FOXP2: variants seen among roughly 807,000 people sequenced by gnomAD.
FOXP2 encodes the protein forkhead box P2.
Under a neutral mutation model 115.8 loss-of-function variants are expected in FOXP2, and 12 were observed. That is an observed-to-expected ratio of 0.10 (90% CI 0.07 to 0.17). FOXP2 has a LOEUF of 0.17. Ranked by LOEUF, FOXP2 falls within the 10% of genes least tolerant of loss-of-function variation. The pLI, the probability that FOXP2 is intolerant of heterozygous loss-of-function variation, is 1.00. For synonymous variants in FOXP2, 328 were observed against 297.7 expected, an observed-to-expected ratio of 1.10 and a Z score of -1.05; for missense variants, 629 against 843.5, an observed-to-expected ratio of 0.75 and a Z score of 3.15.
intron 2 of FOXP2, among the ~76,000 whole-genome samples, chr7:114,462,538 A>C (rs1207033208): frequency 3.3e-5 from 5 of 151,376 alleles, no homozygotes; most frequent in African/African-American, 4.8e-5. Context: ...CGCCCTGCTA[A>C]TTTTTGTATT....
intron 2 of FOXP2, among the ~76,000 whole-genome samples, chr7:114,367,042 T>A (rs188686707): frequency 6.6e-6 from 1 of 152,260 alleles, no homozygotes; most frequent in Admixed American, 6.5e-5. Context: ...ATGTGCATTG[T>A]GCAGAGGCTA....
chr7:114,123,296 G>A (rs1393865654), intron 1 of FOXP2, among the ~76,000 whole-genome samples: 4 of 149,396 alleles, frequency 2.7e-5, no homozygotes, highest in African/African-American at 9.8e-5. Context: ...CCAGGCTACA[G>A]TGAGCTATAA....
chr7:114,584,586 A>G (rs1802035732), intron 3 of FOXP2, among the ~76,000 whole-genome samples: 1 of 152,052 alleles, frequency 6.6e-6, no homozygotes, highest in Admixed American at 6.6e-5. Context: ...AGTCTATGCT[A>G]CTTCTCTAAA....
chr7:114,581,443 T>G (rs909980782), intron 3 of FOXP2, among the ~76,000 whole-genome samples: 4 of 151,948 alleles, frequency 2.6e-5, no homozygotes, highest in Non-Finnish European at 5.9e-5. Context: ...TGCCTGGCCA[T>G]CTTCTTTATA....
chr7:114,400,004 C>G (rs984924181), intron 2 of FOXP2, among the ~76,000 whole-genome samples: 5 of 151,814 alleles, frequency 3.3e-5, no homozygotes, highest in African/African-American at 4.8e-5. Flanking sequence ...TTACAGGCGC[C>G]TGGTACCGCA....
At chr7:114,325,982 C>T (rs1200443165) in intron 2 of FOXP2, among the ~76,000 whole-genome samples, 1 of 152,024 alleles carries the variant, frequency 6.6e-6, no homozygotes, top group Non-Finnish European at 1.5e-5. Flanking sequence ...TACAACAAAG[C>T]TATTTCTTAT....
chr7:114,674,019 A>G (rs997690252), intron 16 of FOXP2, among the ~76,000 whole-genome samples: 2 of 152,190 alleles, frequency 1.3e-5, no homozygotes, highest in Non-Finnish European at 2.9e-5. Context: ...TACTGACTTT[A>G]AATGGAACTT....
intron 3 of FOXP2, among the ~76,000 whole-genome samples, chr7:114,587,879 A>ATATATATATATATATATAAAGGTGCC: frequency 6.5e-5 from 5 of 76,878 alleles, no homozygotes; most frequent in Admixed American, 1.8e-4. Flanking sequence ...AGAGATAATT[A>ATATATATATATATATATAAAGGTGCC]AATCCACCTT....
intron 2 of FOXP2, among the ~76,000 whole-genome samples, chr7:114,503,865 A>G (rs1172739752): frequency 6.6e-6 from 1 of 151,244 alleles, no homozygotes; most frequent in Non-Finnish European, 1.5e-5. Flanking sequence ...ATTTTAATGT[A>G]GTTAAAATTA....
intron 10 of FOXP2, among the ~76,000 whole-genome samples, chr7:114,656,192 T>G (rs1478664400): frequency 6.6e-6 from 1 of 152,164 alleles, no homozygotes; most frequent in Non-Finnish European, 1.5e-5. Flanking sequence ...TACAGAGTCC[T>G]GTCACATATT....
chr7:114,212,306 CA>C (rs1192479576), intron 1 of FOXP2, among the ~76,000 whole-genome samples: 1 of 151,644 alleles, frequency 6.6e-6, no homozygotes, highest in South Asian at 2.1e-4. Context: ...CATTTTATTT[CA>C]ATATTAGTAA....
intron 1 of FOXP2, among the ~76,000 whole-genome samples, chr7:114,246,927 A>G (rs1286399009): frequency 6.6e-6 from 1 of 152,204 alleles, no homozygotes; most frequent in Non-Finnish European, 1.5e-5. Context: ...GTGGTGGACT[A>G]TATTGTATCA....
At chr7:114,682,679 C>T (rs1808151722) in intron 16 of FOXP2, among the ~76,000 whole-genome samples, 1 of 151,938 alleles carries the variant, frequency 6.6e-6, no homozygotes, top group South Asian at 2.1e-4. Context: ...AAGAAATTGC[C>T]AATGGTCACA....
intron 3 of FOXP2, among the ~76,000 whole-genome samples, chr7:114,619,865 T>A (rs1317714213): frequency 6.6e-6 from 1 of 152,052 alleles, no homozygotes; most frequent in Non-Finnish European, 1.5e-5. Context: ...TATCACCAAA[T>A]CAGAATGTTT....
intron 13 of FOXP2, among the ~76,000 whole-genome samples, chr7:114,661,292 A>G (rs1472926002): frequency 6.6e-6 from 1 of 152,080 alleles, no homozygotes; most frequent in Non-Finnish European, 1.5e-5. Context: ...TCTACTGTAT[A>G]TTTATTATAG....
intron 2 of FOXP2, among the ~76,000 whole-genome samples, chr7:114,430,209 T>C (rs1794042450): frequency 6.6e-6 from 1 of 151,770 alleles, no homozygotes; most frequent in Non-Finnish European, 1.5e-5. Flanking sequence ...AACTTCCTAT[T>C]TGATACGAAA....
intron 1 of FOXP2, among the ~76,000 whole-genome samples, chr7:114,138,670 C>T (rs543688832): frequency 2.0e-5 from 3 of 152,230 alleles, no homozygotes; most frequent in African/African-American, 7.2e-5. Context: ...GGATTACAGG[C>T]GTGAGCCACC....
At chr7:114,160,293 C>CA (rs954137616), upstream of FOXP2, among the ~76,000 whole-genome samples, 1 of 152,038 alleles carries the variant, frequency 6.6e-6, no homozygotes, top group Non-Finnish European at 1.5e-5. Context: ...CAGAGACAAA[C>CA]ATTGCTTTCT....
intron 1 of FOXP2, among the ~76,000 whole-genome samples, chr7:114,183,923 T>A (rs1374615669): frequency 6.6e-6 from 1 of 152,194 alleles, no homozygotes. Flanking sequence ...CATAATCAGT[T>A]GCCAGAAGAT....
Sources: allele counts gnomAD v4.1 joint callset (sites outside exome capture counted in the v4.1 genomes callset), GRCh38; gene constraint gnomAD v4.1.1; transcripts MANE v1.5; gene names NCBI Gene and HGNC (gene_info 2026-07-23, HGNC 2026-07-21).